The following NIT2 variants were observed in gnomAD, a reference collection of about 807,000 sequenced individuals.
The protein encoded by NIT2 is omega-amidase NIT2.
A neutral mutation model predicts 42.7 loss-of-function variants in NIT2; 46 were observed. The observed-to-expected ratio is 1.08, with a 90% CI of 0.85 to 1.38. The LOEUF (loss-of-function observed/expected upper bound fraction) is 1.38. Among genes scored for constraint, NIT2 ranks in the 40% most tolerant of loss-of-function variants. The pLI is 0.00. For synonymous variants in NIT2, 123 were observed against 121.9 expected (o/e 1.01, Z -0.06); for missense variants, 309 against 342.5 (o/e 0.90, Z 0.77).
At position 100,361,213 on chromosome 3, in the gene NIT2, T is replaced by G. The variant is rs1706380838; in HGVS notation, c.*5945T>G. 1 of 152,338 alleles carries G rather than the reference T, an allele frequency of 6.6e-6. No individual in the cohort carries two copies. The allele number at this position is 152,338 out of a possible 1,614,324, so 9.4% of individuals were successfully genotyped here. A position where few individuals can be genotyped will look rare whatever the true frequency, so the allele number is the denominator to read the frequency against. On this transcript the variant is annotated 3_prime_UTR_variant, in exon 10 of 10. Coordinates refer to ENST00000394140, the MANE Select transcript of NIT2 (RefSeq NM_020202.5). ...GTTATTTAATATAGCAGTTCATAAT[T>G]TAGGCCATGGATCATCTCTGCAGAG...
intron 6 of NIT2, 129 bp from the exon 7 acceptor site, chr3:100,348,674 A>T: frequency 1.5e-6 from 1 of 667,254 alleles, no homozygotes; most frequent in Non-Finnish European, 2.6e-6. Flanking sequence ...GCACTGTCTG[A>T]CTTGGCTGAC....
intron 4 of NIT2, among the ~76,000 whole-genome samples, chr3:100,341,821 C>A (rs1368500289): frequency 6.6e-6 from 1 of 152,056 alleles, no homozygotes; most frequent in African/African-American, 2.4e-5. Flanking sequence ...GTAAGTGGAT[C>A]ACCTGAGGTC....
rs1171833988 is a variant in NIT2, at chr3:100,359,733, G to A, written c.*4465G>A. 1 of 152,144 alleles carries A rather than the reference G, an allele frequency of 6.6e-6. No individual in the cohort carries two copies. The highest frequency in any genetic ancestry group is 1.5e-5 in the Non-Finnish European group (1 of 68,028). 9.4% of individuals were successfully genotyped at this position (152,144 alleles called of 1,614,324 possible). On this transcript the variant is annotated 3_prime_UTR_variant, in exon 10 of 10. Coordinates refer to ENST00000394140, the MANE Select transcript of NIT2 (RefSeq NM_020202.5). The stretch of plus-strand genomic sequence containing the variant: ...ACATGCATGGTCTTCAATATATGCC[G>A]ATAATTCTCATTCACATAGCTCTCC...
At chr3:100,337,070 T>A (rs557711925) in intron 1 of NIT2, among the ~76,000 whole-genome samples, 16 of 152,378 alleles carry the variant, frequency 1.1e-4, no homozygotes, top group South Asian at 6.2e-4. Flanking sequence ...GCTGCCTTCA[T>A]GCATCTGTAA....
chr3:100,354,812 G>T lies in NIT2; in HGVS notation c.724G>T (p.Val242Leu), dbSNP rs776510456. 2 of 1,610,628 alleles carry T rather than the reference G, an allele frequency of 1.2e-6. No homozygotes were observed. Among genetic ancestry groups the T allele is most frequent in the Non-Finnish European group, 1.7e-6 (2 of 1,178,332 alleles). ...LAKAGTEEAI[V>L]YSDIDLKKLA... ...CAAAGCTGGCACAGAAGAAGCAATC[G>T]TGTATTCAGACATAGGTAAGATTTT... Residue 242 changes from valine (V) to leucine (L), a missense_variant, in exon 9 of 10, where the codon GTG becomes TTG. Transcript: ENST00000394140.
rs372248884 is a variant in NIT2 at position 100,340,997 on chromosome 3, T to C, written c.248-76T>C. 2.9e-5 allele frequency: 28 copies of C among 964,130 alleles called. No individual in the cohort carries two copies. In the East Asian group the frequency reaches 5.4e-4, roughly 19 times the overall value. The allele number at this position is 964,130 out of a possible 1,614,324, so 59.7% of individuals were successfully genotyped here. A position where few individuals can be genotyped will look rare whatever the true frequency, so the allele number is the denominator to read the frequency against. Reference sequence around the variant, plus strand: ...GTTCTTTATTTTTGGACCCAAGTTATCAGGCTTTTATCCCTTTCTCACAAA... The same window carrying C: ...GTTCTTTATTTTTGGACCCAAGTTACCAGGCTTTTATCCCTTTCTCACAAA... On this transcript the variant is annotated intron_variant, in intron 3 of 9. Transcript: ENST00000394140.
At chr3:100,341,299 G>T in intron 4 of NIT2, 138 bp downstream of exon 4, 1 of 609,244 alleles carries the variant, frequency 1.6e-6, no homozygotes. Flanking sequence ...TGGCACAGGT[G>T]GTTATTCTTG....
rs971841853 is a variant in NIT2, at chr3:100,338,991, C to T, written c.8-96C>T. On this transcript the variant is annotated intron_variant, in intron 1 of 9. Coordinates refer to ENST00000394140, the MANE Select transcript of NIT2 (RefSeq NM_020202.5). Reference sequence around the variant, plus strand: ...CTTCAGACATTGTCAGATGTCCCCCCGGGGACATAACTGCCTTCCATTTGA... The same window carrying T: ...CTTCAGACATTGTCAGATGTCCCCCTGGGGACATAACTGCCTTCCATTTGA... The T allele has an allele frequency of 8.7e-5, 73 of 842,522 alleles. 1 individual carries two copies. Among genetic ancestry groups the T allele is most frequent in the Non-Finnish European group, 1.3e-4 (62 of 483,656 alleles). 52.2% of individuals were successfully genotyped at this position (842,522 alleles called of 1,614,324 possible).
intron 3 of NIT2, 70 bp downstream of exon 3, chr3:100,340,005 G>T (rs1009540416): frequency 7.3e-7 from 1 of 1,361,422 alleles, no homozygotes; most frequent in Non-Finnish European, 1.0e-6. Flanking sequence ...GTGTGGTGGC[G>T]TGCGCCTGTA....
rs1706316716 is a variant in NIT2, at chr3:100,355,390, T to C, written c.*122T>C. On this transcript the variant is annotated 3_prime_UTR_variant, in exon 10 of 10. Transcript: ENST00000394140. ...TCGGCCTTGTCCTTCCTAGGTTCTC[T>C]ATTGAGATGAGAAAGCCTCATTATG... is the stretch of plus-strand genomic sequence containing the variant. 7 of 674,400 alleles carry C rather than the reference T, an allele frequency of 1.0e-5. No homozygotes were observed. Among genetic ancestry groups the C allele is most frequent in the Non-Finnish European group, 1.8e-5 (7 of 398,030 alleles). The allele number at this position is 674,400 out of a possible 1,614,324, so 41.8% of individuals were successfully genotyped here.
chr3:100,355,102 C>T, intron 9 of NIT2, 75 bp from the exon 10 acceptor site: 1 of 1,079,634 alleles, frequency 9.3e-7, no homozygotes, highest in Non-Finnish European at 1.4e-6. Flanking sequence ...GTGGTTTATA[C>T]AGTCAGGGGA....
chr3:100,336,847 C>T (rs763940579), intron 1 of NIT2, among the ~76,000 whole-genome samples: 57 of 152,320 alleles, frequency 3.7e-4, no homozygotes, highest in African/African-American at 1.2e-3. Context: ...CTTCCTCTTG[C>T]ACTAATCCTC....
intron 4 of NIT2, among the ~76,000 whole-genome samples, chr3:100,343,424 A>T (rs1344132096): frequency 6.6e-6 from 1 of 151,974 alleles, no homozygotes; most frequent in East Asian, 1.9e-4. Flanking sequence ...TACAGATTAG[A>T]TAATTTCTGT....
At chr3:100,348,657 G>A in intron 6 of NIT2, 146 bp from the exon 7 acceptor site, 1 of 601,998 alleles carries the variant, frequency 1.7e-6, no homozygotes, top group Non-Finnish European at 3.0e-6. Context: ...TATCTTAATT[G>A]CTGCTGGCAC....
Position 100,339,330 on chromosome 3 carries a change from C to CCGAGT in NIT2, c.126+127_126+131dup, listed in dbSNP as rs567973278. ...TGTCCCTTGGAGCCCATAGATTGTTCCGAGTCTGACTGGAGGATGACCTTA... is the reference window on the plus strand; with the variant it reads ...TGTCCCTTGGAGCCCATAGATTGTTCCGAGTCGAGTCTGACTGGAGGATGACCTTA... On this transcript the variant is annotated intron_variant, in intron 2 of 9. Transcript: ENST00000394140. 91 of 717,582 alleles carry CCGAGT rather than the reference C, an allele frequency of 1.3e-4. 2 individuals carry two copies. In the African/African-American group the frequency reaches 1.4e-3, roughly 11 times the overall value. 44.5% of individuals were successfully genotyped at this position (717,582 alleles called of 1,614,324 possible).
intron 6 of NIT2, 54 bp downstream of exon 6, chr3:100,346,309 C>A: frequency 1.3e-6 from 2 of 1,515,862 alleles, no homozygotes; most frequent in Non-Finnish European, 1.8e-6. Flanking sequence ...TGGTTCTAGG[C>A]TGGTCTATGT....
At chr3:100,345,410 A>G (rs1706204826) in intron 4 of NIT2, among the ~76,000 whole-genome samples, 175 bp from the exon 5 acceptor site, 1 of 152,182 alleles carries the variant, frequency 6.6e-6, no homozygotes, top group South Asian at 2.1e-4. Flanking sequence ...CTGTGGTAGA[A>G]TTCATTTTGA....
At chr3:100,354,926 T>G in intron 9 of NIT2, 99 bp downstream of exon 9, 1 of 995,976 alleles carries the variant, frequency 1.0e-6, no homozygotes, top group African/African-American at 1.6e-5. Flanking sequence ...AGGGGTTCCT[T>G]TATGCCCCTT....
Position 100,348,856 on chromosome 3 carries a change from C to T in NIT2, c.559C>T (p.His187Tyr), listed in dbSNP as rs1338146264. The T allele has an allele frequency of 6.2e-7, 1 of 1,613,872 alleles. No individual in the cohort carries two copies. The highest frequency in any genetic ancestry group is 8.5e-7 in the Non-Finnish European group (1 of 1,179,906). ...TTTTAATCTGACCACTGGACCAGCCCATTGGGAGTTACTTCAGCGAAGCCG... is the reference window on the plus strand; with the variant it reads ...TTTTAATCTGACCACTGGACCAGCCTATTGGGAGTTACTTCAGCGAAGCCG... Reference protein sequence around the residue: ...GAFNLTTGPAHWELLQRSRAV... With the variant: ...GAFNLTTGPAYWELLQRSRAV... The change falls in exon 7 of 10, where the codon CAT becomes TAT. Residue 187 changes from histidine (H) to tyrosine (Y), a missense_variant. His to Tyr is a moderately conservative substitution (Grantham distance 83). Transcript: ENST00000394140.
Sources: gnomAD v4.1 joint callset for allele counts (sites outside exome capture counted in the v4.1 genomes callset) on GRCh38, gnomAD v4.1.1 for gene constraint, MANE v1.5 for transcripts, NCBI Gene and HGNC (gene_info 2026-07-23, HGNC 2026-07-21) for gene names.